Variants in ARHGEF28 observed in about 807,000 individuals in gnomAD.
ARHGEF28 encodes the protein 190 kDa guanine nucleotide exchange factor.
Under a neutral mutation model 206.6 loss-of-function variants are expected in ARHGEF28, and 152 were observed. The observed-to-expected ratio is 0.74, with a 90% CI of 0.64 to 0.84. The LOEUF (loss-of-function observed/expected upper bound fraction) is 0.84. Ranked by LOEUF, ARHGEF28 falls within the 40% of genes least tolerant of loss-of-function variation. ARHGEF28 has a pLI of 0.00. For missense variants in ARHGEF28, 2,028 were observed against 2,073.2 expected, an observed-to-expected ratio of 0.98 and a Z score of 0.42; for synonymous variants, 763 against 776.4, an observed-to-expected ratio of 0.98 and a Z score of 0.29.
chr5:73,911,532 G>C lies in ARHGEF28; in HGVS notation c.4905G>C (p.Gln1635His). The change falls in exon 35 of 36, where the codon CAG becomes CAC. Residue 1635 changes from glutamine (Q) to histidine (H), a missense_variant. By Grantham distance (24) the Gln-to-His change is conservative (BLOSUM62 0). Around this residue, in one of 3 missense-constraint regions of ARHGEF28, gnomAD observed 803 missense variants for 768.0 expected, o/e 1.05. Transcript: ENST00000513042. ...KLWTAAGSGH[Q>H]ILPFHESSKD... is the part of the protein sequence containing the mutation. ...GGACAGCCGCTGGTTCCGGCCATCA[G>C]ATACTTCCTTTCCATGAAAGCAGCA... The C allele has an allele frequency of 1.9e-6, 3 of 1,612,262 alleles. No homozygotes were observed. Among genetic ancestry groups the C allele is most frequent in the East Asian group, 4.5e-5 (2 of 44,870 alleles).
chr5:73,724,023 G>A (rs1361244454), intron 2 of ARHGEF28, among the ~76,000 whole-genome samples: 2 of 152,240 alleles, frequency 1.3e-5, no homozygotes, highest in Non-Finnish European at 2.9e-5. Context: ...GGTCCACAGA[G>A]GTACCTGTGC....
intron 4 of ARHGEF28, among the ~76,000 whole-genome samples, chr5:73,758,957 A>T (rs1287970801): frequency 6.6e-6 from 1 of 152,200 alleles, no homozygotes; most frequent in African/African-American, 2.4e-5. Context: ...TGCCTTTGTG[A>T]TTGGTTCTAT....
intron 1 of ARHGEF28, among the ~76,000 whole-genome samples, chr5:73,654,559 C>A (rs898871754): frequency 4.6e-5 from 7 of 152,166 alleles, no homozygotes; most frequent in Non-Finnish European, 1.0e-4. Flanking sequence ...TGTCTGTGTG[C>A]AGTAAACACG....
intron 2 of ARHGEF28, among the ~76,000 whole-genome samples, chr5:73,703,198 T>C (rs562854045): frequency 6.6e-6 from 1 of 152,188 alleles, no homozygotes; most frequent in Admixed American, 6.5e-5. Context: ...CATGGTTAAA[T>C]TGATAGCACT....
At chr5:73,698,664 G>A (rs1043465084) in intron 2 of ARHGEF28, among the ~76,000 whole-genome samples, 4 of 151,962 alleles carry the variant, frequency 2.6e-5, no homozygotes, top group Admixed American at 2.0e-4. Context: ...GGAGGCAATC[G>A]CATCATTACA....
chr5:73,711,331 T>G (rs934161548), intron 2 of ARHGEF28, among the ~76,000 whole-genome samples: 1 of 152,132 alleles, frequency 6.6e-6, no homozygotes, highest in African/African-American at 2.4e-5. Flanking sequence ...TCACATAAAT[T>G]TTATAATCAA....
chr5:73,844,960 TTG>T (rs1758226274), intron 11 of ARHGEF28, among the ~76,000 whole-genome samples: 1 of 151,716 alleles, frequency 6.6e-6, no homozygotes, highest in Admixed American at 6.6e-5. Context: ...AAAAAAGTTG[TTG>T]TCAAGCAGCA....
At chr5:73,857,260 T>C (rs982231016) in intron 14 of ARHGEF28, among the ~76,000 whole-genome samples, 2 of 152,186 alleles carry the variant, frequency 1.3e-5, no homozygotes, top group African/African-American at 4.8e-5. Context: ...TTCTCTGTGC[T>C]CTGGGGAATT....
Position 73,763,562 on chromosome 5 carries a change from C to A in ARHGEF28, c.476-10293C>A, listed in dbSNP as rs75856802. Among the ~76,000 whole-genome samples, 685 of 152,246 alleles carry A rather than the reference C, an allele frequency of 4.5e-3. 1 individual carries two copies. The highest frequency in any genetic ancestry group is 8.5e-3 in the Non-Finnish European group (579 of 68,014). On this transcript the variant is annotated intron_variant, in intron 4 of 35. Transcript: ENST00000513042. ...TAGACTGCAATGTATTTTCATTTGT[C>A]TCCCAAACAGAACAGGGTCCCTGGA...
chr5:73,685,510 G>C (rs1364250172), intron 2 of ARHGEF28, among the ~76,000 whole-genome samples: 1 of 152,210 alleles, frequency 6.6e-6, no homozygotes, highest in Non-Finnish European at 1.5e-5. Flanking sequence ...TTCTTGGGAA[G>C]GAACTGTGTT....
rs1763598091 is a variant in ARHGEF28, at chr5:73,922,946, C to G, written c.4948+11371C>G. 1.2e-5 allele frequency: 9 copies of G among 738,458 alleles called. No homozygotes were observed. In the South Asian group the frequency reaches 1.4e-4, roughly 12 times the overall value. 45.7% of individuals were successfully genotyped at this position (738,458 alleles called of 1,614,324 possible). ...TTGATGCTTCTGTTCAGCATAAGCC[C>G]TGAAAAATACCAAGTTTTGCAAATG... is the stretch of plus-strand genomic sequence containing the variant. On this transcript the variant is annotated intron_variant, in intron 35 of 35. Transcript: ENST00000513042.
At chr5:73,738,080 G>A (rs1436148590) in intron 2 of ARHGEF28, among the ~76,000 whole-genome samples, 1 of 152,160 alleles carries the variant, frequency 6.6e-6, no homozygotes, top group African/African-American at 2.4e-5. Flanking sequence ...GGATGCTGTC[G>A]GGGTGGGTGC....
intron 4 of ARHGEF28, among the ~76,000 whole-genome samples, chr5:73,765,115 CCAGA>C: frequency 6.6e-6 from 1 of 152,004 alleles, no homozygotes; most frequent in Non-Finnish European, 1.5e-5. Flanking sequence ...TTCTTGTAGT[CCAGA>C]CAGTTTCCTT....
At chr5:73,746,258 C>T (rs1178600419) in intron 2 of ARHGEF28, among the ~76,000 whole-genome samples, 1 of 151,930 alleles carries the variant, frequency 6.6e-6, no homozygotes, top group East Asian at 1.9e-4. Flanking sequence ...GTTAAAAAGT[C>T]AGAAGTACAC....
chr5:73,716,620 C>T (rs1263548151), intron 2 of ARHGEF28, among the ~76,000 whole-genome samples: 1 of 152,132 alleles, frequency 6.6e-6, no homozygotes, highest in Non-Finnish European at 1.5e-5. Context: ...GTTGTGGATA[C>T]ACCACTTATG....
chr5:73,748,319 G>A lies in ARHGEF28; in HGVS notation c.34-1518G>A, dbSNP rs537337042. Among the ~76,000 whole-genome samples the A allele has an allele frequency of 2.0e-3, 295 of 151,198 alleles. 1 individual carries two copies. The highest frequency in any genetic ancestry group is 6.8e-3 in the African/African-American group (283 of 41,402). ...ACACGCATGCTCATATGCAGAAAAA[G>A]GGCAATTCAAAACTGCCAACCAGTG... On this transcript the variant is annotated intron_variant, in intron 2 of 35. Transcript: ENST00000513042.
intron 1 of ARHGEF28, among the ~76,000 whole-genome samples, chr5:73,642,806 C>G (rs1744204587): frequency 6.6e-6 from 1 of 152,138 alleles, no homozygotes; most frequent in African/African-American, 2.4e-5. Context: ...TTGGTTTTTA[C>G]TATCATCATG....
chr5:73,898,332 G>A (rs1387444589), intron 30 of ARHGEF28: 2 of 305,608 alleles, frequency 6.5e-6, no homozygotes, highest in Non-Finnish European at 1.2e-5. Flanking sequence ...ATACTGCTCT[G>A]TTTGCCGGCC....
chr5:73,848,670 G>A (rs1215205996), intron 12 of ARHGEF28, among the ~76,000 whole-genome samples: 1 of 152,010 alleles, frequency 6.6e-6, no homozygotes, highest in Non-Finnish European at 1.5e-5. Flanking sequence ...ACTCATTGTT[G>A]AATATACAAA....
Sources: allele counts gnomAD v4.1 joint callset (sites outside exome capture counted in the v4.1 genomes callset), GRCh38; gene constraint gnomAD v4.1.1; regional missense constraint gnomAD v4.1.1; transcripts MANE v1.5; gene names NCBI Gene and HGNC (gene_info 2026-07-23, HGNC 2026-07-21).